The following GJA3 variants were observed in gnomAD, a reference collection of about 807,000 sequenced individuals.
GJA3 encodes the protein gap junction alpha-3 protein.
For synonymous variants in GJA3, 297 were observed against 292.6 expected (o/e 1.02, Z -0.15); for missense variants, 571 against 620.3 (o/e 0.92, Z 0.84).
At chr13:20,154,335 T>G (rs1473729112) in intron 1 of GJA3, among the ~76,000 whole-genome samples, 1 of 152,244 alleles carries the variant, frequency 6.6e-6, no homozygotes, top group African/African-American at 2.4e-5. Context: ...CCATACTTCT[T>G]TACAGTTGTT....
In GJA3 at chr13:20,141,705, T is replaced by C; in HGVS notation, c.*276A>G. 1 of 486,706 alleles carries C rather than the reference T, an allele frequency of 2.1e-6. No individual in the cohort carries two copies. The highest frequency in any genetic ancestry group is 3.4e-5 in the East Asian group (1 of 28,986). The allele number at this position is 486,706 out of a possible 1,614,324, so 30.1% of individuals were successfully genotyped here. ...AGACAGCCCTCAGCGACCAGATTTC[T>C]GGGCTGCTGTGAAGATCTTAAAGGC... On this transcript the variant is annotated 3_prime_UTR_variant, in exon 2 of 2. Coordinates refer to ENST00000241125, the MANE Select transcript of GJA3 (RefSeq NM_021954.4).
In GJA3 at chr13:20,143,624, G is replaced by A. The variant is rs145248647; in HGVS notation, c.-17-319C>T. On this transcript the variant is annotated intron_variant, in intron 1 of 1. Transcript: ENST00000241125. ...CCCTACAGGAGCTCTGGGGCTCTGC[G>A]GCCCCTTAGGCCACTTCTGAATCAT... 1.2e-4 allele frequency among the ~76,000 whole-genome samples: 19 copies of A among 152,338 alleles called. No individual in the cohort carries two copies. The East Asian group carries it at 3.1e-3, about 25-fold the overall frequency.
At chr13:20,150,464 G>A (rs1031293533) in intron 1 of GJA3, among the ~76,000 whole-genome samples, 4 of 152,196 alleles carry the variant, frequency 2.6e-5, no homozygotes, top group African/African-American at 9.7e-5. Flanking sequence ...GCACAGCGTG[G>A]GGGAAGGCAC....
intron 1 of GJA3, among the ~76,000 whole-genome samples, chr13:20,160,554 A>C (rs1958931021): frequency 6.6e-6 from 1 of 152,218 alleles, no homozygotes; most frequent in Admixed American, 6.5e-5. Context: ...GGGGGAAAAC[A>C]ACCCCAGGAA....
At chr13:20,158,685 G>A (rs1429929901) in intron 1 of GJA3, among the ~76,000 whole-genome samples, 1 of 151,968 alleles carries the variant, frequency 6.6e-6, no homozygotes, top group Non-Finnish European at 1.5e-5. Context: ...GCTGAGGTGG[G>A]TGGATCACCT....
intron 1 of GJA3, among the ~76,000 whole-genome samples, chr13:20,144,403 A>G (rs1346899110): frequency 6.6e-6 from 1 of 152,188 alleles, no homozygotes; most frequent in East Asian, 1.9e-4. Context: ...GCCCAGACTC[A>G]GTCAGGGTGC....
chr13:20,161,528 C>T (rs908319027), upstream of GJA3, among the ~76,000 whole-genome samples: 2 of 152,112 alleles, frequency 1.3e-5, no homozygotes, highest in Admixed American at 6.6e-5. Flanking sequence ...AGGTCTCGCC[C>T]GCCTGCAGCC....
intron 1 of GJA3, among the ~76,000 whole-genome samples, chr13:20,145,113 C>CAG (rs2141139465): frequency 6.6e-6 from 1 of 152,260 alleles, no homozygotes; most frequent in Admixed American, 6.5e-5. Flanking sequence ...ACCTGGAAGG[C>CAG]AGAGGCTGCA....
At chr13:20,153,470 C>T (rs983457881) in intron 1 of GJA3, among the ~76,000 whole-genome samples, 4 of 152,182 alleles carry the variant, frequency 2.6e-5, no homozygotes, top group African/African-American at 9.7e-5. Flanking sequence ...AGGATGAGTT[C>T]ATGTCCTTTG....
rs1029449510 is a variant in GJA3 at position 20,139,001 on chromosome 13, G to A, written c.*2980C>T. 7.2e-5 allele frequency: 11 copies of A among 152,036 alleles called. No homozygotes were observed. The highest frequency in any genetic ancestry group is 7.3e-5 in the African/African-American group (3 of 41,378). The allele number at this position is 152,036 out of a possible 1,614,324, so 9.4% of individuals were successfully genotyped here. ...CCTATCCACTTACTTGTCCAGAGCC[G>A]AAGAAATCCAGGATAAATGAGAAAG... On this transcript the variant is annotated 3_prime_UTR_variant, in exon 2 of 2. Transcript: ENST00000241125.
intron 1 of GJA3, among the ~76,000 whole-genome samples, chr13:20,151,866 C>T (rs897463078): frequency 2.6e-5 from 4 of 152,024 alleles, no homozygotes; most frequent in Non-Finnish European, 5.9e-5. Context: ...CAGGGGCAAA[C>T]GCACAGCCTC....
At position 20,142,338 on chromosome 13, in the gene GJA3, G is replaced by A; in HGVS notation, c.951C>T (p.Gly317=). Reference sequence around the variant, plus strand: ...GCTCAGTCATCAGCAGGTGGTGGTGGCCGTTGTAGAGCTTGGCGGACTGGC... The same window carrying A: ...GCTCAGTCATCAGCAGGTGGTGGTGACCGTTGTAGAGCTTGGCGGACTGGC... ...GKGQSAKLYN[G]HHHLLMTEQN... The change falls in exon 2 of 2, where the codon GGC becomes GGT. Residue 317 remains glycine, a synonymous_variant. Coordinates refer to ENST00000241125, the MANE Select transcript of GJA3 (RefSeq NM_021954.4). The A allele has an allele frequency of 6.4e-7, 1 of 1,563,336 alleles. No homozygotes were observed. Among genetic ancestry groups the A allele is most frequent in the Non-Finnish European group, 8.7e-7 (1 of 1,155,714 alleles).
rs1958786536 is a variant in GJA3, at chr13:20,138,282, T to G, written c.*3699A>C. The G allele has an allele frequency of 1.3e-5, 2 of 152,340 alleles. No homozygotes were observed. The allele number at this position is 152,340 out of a possible 1,614,324, so 9.4% of individuals were successfully genotyped here. A position where few individuals can be genotyped will look rare whatever the true frequency, so the allele number is the denominator to read the frequency against. The stretch of plus-strand genomic sequence containing the variant: ...TAAACTTAAGGGCACTTTTATTATT[T>G]TAGAAAATGCTTACTTCCAGTTACA... On this transcript the variant is annotated 3_prime_UTR_variant, in exon 2 of 2. Transcript: ENST00000241125.
In GJA3 at chr13:20,150,685, G is replaced by C. The variant is rs80335832; in HGVS notation, c.-17-7380C>G. Among the ~76,000 whole-genome samples, 32 of 152,128 alleles carry C rather than the reference G, an allele frequency of 2.1e-4. No individual in the cohort carries two copies. The East Asian group carries it at 6.0e-3, about 29-fold the overall frequency. The stretch of plus-strand genomic sequence containing the variant: ...CAAGACAATGTGGGACCCTCGATGC[G>C]ATCCCAGGCGGGGCTGGAGGGCGAA... On this transcript the variant is annotated intron_variant, in intron 1 of 1. Transcript: ENST00000241125.
intron 1 of GJA3, among the ~76,000 whole-genome samples, chr13:20,150,092 T>G (rs1157094297): frequency 6.6e-6 from 1 of 151,862 alleles, no homozygotes; most frequent in Non-Finnish European, 1.5e-5. Context: ...AGTCAGGGAA[T>G]AAAAAAGCTA....
rs747730140 is a variant in GJA3 at position 20,142,551 on chromosome 13, C to A, written c.738G>T (p.Pro246=). 5.1e-6 allele frequency: 8 copies of A among 1,572,604 alleles called. No homozygotes were observed. The highest frequency in any genetic ancestry group is 1.7e-4 in the Middle Eastern group (1 of 5,892). Residue 246 remains proline (P), a synonymous_variant, in exon 2 of 2, where the codon CCG becomes CCT. Transcript: ENST00000241125. Reference sequence around the variant, plus strand: ...GGGGCGGGGGATCGGCTGTCCCCAGCGGGGCCTCGGAGGCGTCCGGGCCGA... The same window carrying A: ...GGGGCGGGGGATCGGCTGTCCCCAGAGGGGCCTCGGAGGCGTCCGGGCCGA... The part of the protein sequence containing the change: ...SRLGPDASEA[P]LGTADPPPLP...
intron 1 of GJA3, among the ~76,000 whole-genome samples, chr13:20,158,986 AT>A (rs1958922127): frequency 6.6e-6 from 1 of 151,612 alleles, no homozygotes; most frequent in African/African-American, 2.4e-5. Context: ...CCTAGTTATC[AT>A]GAGGAATTTT....
intron 1 of GJA3, among the ~76,000 whole-genome samples, chr13:20,155,148 C>G (rs1958900409): frequency 6.6e-6 from 1 of 152,190 alleles, no homozygotes; most frequent in African/African-American, 2.4e-5. Flanking sequence ...TGTGAGCCAC[C>G]ACGCCTATCA....
intron 1 of GJA3, among the ~76,000 whole-genome samples, chr13:20,158,912 C>CAAAAAAA (rs1159654355): frequency 9.1e-3 from 497 of 54,778 alleles, no homozygotes; most frequent in African/African-American, 0.014. Flanking sequence ...GCAAAACTCT[C>CAAAAAAA]AAAAAAAAAA....
Sources: gnomAD v4.1 joint callset for allele counts (sites outside exome capture counted in the v4.1 genomes callset) on GRCh38, gnomAD v4.1.1 for gene constraint, MANE v1.5 for transcripts, NCBI Gene and HGNC (gene_info 2026-07-23, HGNC 2026-07-21) for gene names.